Variants in ZNF716 observed in about 807,000 individuals in gnomAD.
The protein encoded by ZNF716 is zinc finger protein 716.
ZNF716 carries 9 observed loss-of-function variants against 13.4 expected under a neutral mutation model. That is an observed-to-expected ratio of 0.67 (90% CI 0.41 to 1.18). The LOEUF is 1.18. Among genes scored for constraint, ZNF716 ranks in the 50% most tolerant of loss-of-function variants. ZNF716 has a pLI of 0.01. For synonymous variants in ZNF716, 186 were observed against 195.2 expected (o/e 0.95, Z 0.39); for missense variants, 581 against 576.6 (o/e 1.01, Z -0.08).
At chr7:57,455,944 T>TTTTG (rs532404010) in intron 1 of ZNF716, among the ~76,000 whole-genome samples, 1 of 151,526 alleles carries the variant, frequency 6.6e-6, no homozygotes, top group African/African-American at 2.4e-5. Flanking sequence ...TTTTTTGTTT[T>TTTTG]TTTGTTTGTT....
At chr7:57,462,962 T>A in intron 2 of ZNF716, 111 bp from the exon 3 acceptor site, 1 of 1,409,768 alleles carries the variant, frequency 7.1e-7, no homozygotes, top group Middle Eastern at 2.4e-4. Flanking sequence ...TACGAATCAA[T>A]CTTAATTTTC....
At chr7:57,467,264 A>G (rs1554324314) in intron 3 of ZNF716, among the ~76,000 whole-genome samples, 3 of 152,136 alleles carry the variant, frequency 2.0e-5, no homozygotes, top group African/African-American at 7.2e-5. Flanking sequence ...ACAACTAAAA[A>G]TGTTTTCCGC....
In ZNF716 at chr7:57,473,172, C is replaced by T. The variant is rs1485411795; in HGVS notation, c.*3223C>T. On this transcript the variant is annotated 3_prime_UTR_variant, in exon 4 of 4. Transcript: ENST00000420713. ...ATTTTTTGCACATGTGGCATCTCTG[C>T]TGACAAACAAAAACAGACTTTTAGT... 6.6e-6 allele frequency: 1 copy of T among 152,066 alleles called. No homozygotes were observed. The highest frequency in any genetic ancestry group is 1.5e-5 in the Non-Finnish European group (1 of 68,016). The allele number at this position is 152,066 out of a possible 1,614,324, so 9.4% of individuals were successfully genotyped here.
chr7:57,455,809 C>T (rs189851146), intron 1 of ZNF716, among the ~76,000 whole-genome samples: 33 of 152,246 alleles, frequency 2.2e-4, no homozygotes, highest in African/African-American at 5.5e-4. Context: ...TGAGCCGTCG[C>T]GCCTGGCTGG....
chr7:57,453,041 T>C (rs60526750), intron 1 of ZNF716, among the ~76,000 whole-genome samples: 5,458 of 152,174 alleles, frequency 0.036, 315 homozygotes, highest in East Asian at 0.24. Context: ...CATCTTTACC[T>C]AACTCAGCTT....
intron 3 of ZNF716, 147 bp downstream of exon 3, chr7:57,463,315 A>G (rs1422757310): frequency 4.8e-6 from 5 of 1,048,636 alleles, no homozygotes; most frequent in African/African-American, 3.2e-5. Flanking sequence ...TTATGCTTAC[A>G]TAGGGACACC....
At chr7:57,456,748 A>G (rs570539782) in intron 1 of ZNF716, among the ~76,000 whole-genome samples, 6 of 151,792 alleles carry the variant, frequency 4.0e-5, no homozygotes, top group African/African-American at 1.5e-4. Context: ...AAAAAAAAAC[A>G]AATTGCTTGG....
intron 3 of ZNF716, among the ~76,000 whole-genome samples, chr7:57,463,897 C>T (rs1397761352): frequency 6.6e-6 from 1 of 151,986 alleles, no homozygotes; most frequent in Non-Finnish European, 1.5e-5. Flanking sequence ...ACAGCTTACA[C>T]AGGTTTCAAT....
At chr7:57,455,206 G>T (rs1789563893) in intron 1 of ZNF716, among the ~76,000 whole-genome samples, 2 of 152,134 alleles carry the variant, frequency 1.3e-5, no homozygotes, top group African/African-American at 4.8e-5. Flanking sequence ...CTAGATCAGA[G>T]AATGTTTTAC....
chr7:57,452,850 C>CGTAG (rs1407611224), intron 1 of ZNF716, among the ~76,000 whole-genome samples: 2 of 152,076 alleles, frequency 1.3e-5, no homozygotes, highest in East Asian at 3.9e-4. Flanking sequence ...AACCAAGATA[C>CGTAG]CTACTGTGGC....
intron 1 of ZNF716, among the ~76,000 whole-genome samples, chr7:57,459,212 A>T (rs1789660566): frequency 6.6e-6 from 1 of 152,136 alleles, no homozygotes; most frequent in Non-Finnish European, 1.5e-5. Context: ...AACACTTAGT[A>T]CCAGCTCCCA....
chr7:57,461,695 G>C (rs1554323111), intron 1 of ZNF716, among the ~76,000 whole-genome samples: 2 of 152,118 alleles, frequency 1.3e-5, no homozygotes, highest in Non-Finnish European at 2.9e-5. Context: ...GAGCTTGCTA[G>C]AAATTCAGAA....
intron 1 of ZNF716, 79 bp from the exon 2 acceptor site, chr7:57,462,381 A>T (rs1403614321): frequency 1.3e-6 from 2 of 1,519,894 alleles, no homozygotes; most frequent in African/African-American, 2.8e-5. Flanking sequence ...AGTCAAATAA[A>T]AATCTCTGCC....
chr7:57,461,175 G>C (rs1212480460), intron 1 of ZNF716, among the ~76,000 whole-genome samples: 2 of 152,068 alleles, frequency 1.3e-5, no homozygotes, highest in Non-Finnish European at 2.9e-5. Flanking sequence ...CTACTCAGGG[G>C]CTGAGGCAGG....
At chr7:57,451,178 C>G (rs1288856727) in intron 1 of ZNF716, among the ~76,000 whole-genome samples, 1 of 151,990 alleles carries the variant, frequency 6.6e-6, no homozygotes, top group Non-Finnish European at 1.5e-5. Context: ...CACCACCACG[C>G]CCGGCTTTTG....
rs557560326 is a variant in ZNF716, at chr7:57,453,977, C to A, written c.39+3650C>A. 6.0e-4 allele frequency among the ~76,000 whole-genome samples: 92 copies of A among 152,258 alleles called. No homozygotes were observed. In the Middle Eastern group the frequency reaches 0.01, roughly 17 times the overall value. On this transcript the variant is annotated intron_variant, in intron 1 of 3. Transcript: ENST00000420713. Reference sequence around the variant, plus strand: ...CCTCCCAGGTAGCTGGGATTACAGACACCCGCCACCACACCCGGCTAATTT... The same window carrying A: ...CCTCCCAGGTAGCTGGGATTACAGAAACCCGCCACCACACCCGGCTAATTT...
intron 1 of ZNF716, among the ~76,000 whole-genome samples, chr7:57,454,025 G>A (rs1222323595): frequency 1.3e-5 from 2 of 152,114 alleles, no homozygotes; most frequent in Admixed American, 1.3e-4. Flanking sequence ...TAAAGATGGG[G>A]TTTTGCCATG....
chr7:57,459,490 C>T (rs1325916613), intron 1 of ZNF716, among the ~76,000 whole-genome samples: 1 of 152,196 alleles, frequency 6.6e-6, no homozygotes, highest in Admixed American at 6.5e-5. Flanking sequence ...CTCTTCTGTG[C>T]CTGCTTTCTC....
Position 57,473,344 on chromosome 7 carries a change from C to T in ZNF716, c.*3395C>T, listed in dbSNP as rs1789981752. 1 of 152,008 alleles carries T rather than the reference C, an allele frequency of 6.6e-6. No individual in the cohort carries two copies. Among genetic ancestry groups the T allele is most frequent in the Non-Finnish European group, 1.5e-5 (1 of 67,984 alleles). The allele number at this position is 152,008 out of a possible 1,614,324, so 9.4% of individuals were successfully genotyped here. A position where few individuals can be genotyped will look rare whatever the true frequency, so the allele number is the denominator to read the frequency against. On this transcript the variant is annotated 3_prime_UTR_variant, in exon 4 of 4. Transcript: ENST00000420713. ...GACCAGCCTGGCCAACATGGTGAAACCCCATCTCTACTAAAAATACAAAAA... is the reference window on the plus strand; with the variant it reads ...GACCAGCCTGGCCAACATGGTGAAATCCCATCTCTACTAAAAATACAAAAA...
Sources: allele counts gnomAD v4.1 joint callset (sites outside exome capture counted in the v4.1 genomes callset), GRCh38; gene constraint gnomAD v4.1.1; transcripts MANE v1.5; gene names NCBI Gene and HGNC (gene_info 2026-07-23, HGNC 2026-07-21).